Variants in CLVS1 observed in about 807,000 individuals in gnomAD.
CLVS1 encodes clavesin 1, also known as clavesin-1.
A neutral mutation model predicts 33.1 loss-of-function variants in CLVS1; 10 were observed. That is an observed-to-expected ratio of 0.30 (90% confidence interval 0.19 to 0.51). CLVS1 has a LOEUF of 0.51. Ranked by LOEUF, CLVS1 falls within the 20% of genes least tolerant of loss-of-function variation. CLVS1 has a pLI of 0.97. For missense variants in CLVS1, 343 were observed against 433.4 expected (o/e 0.79, Z 1.85); for synonymous variants, 163 against 166.1 (o/e 0.98, Z 0.14).
intron 2 of CLVS1, among the ~76,000 whole-genome samples, chr8:61,189,921 A>C (rs918391121): frequency 6.6e-6 from 1 of 152,162 alleles, no homozygotes; most frequent in African/African-American, 2.4e-5. Flanking sequence ...CACAATAATA[A>C]TGGGAGACTT....
chr8:61,211,769 G>T (rs1024370478), intron 2 of CLVS1, among the ~76,000 whole-genome samples: 2 of 152,158 alleles, frequency 1.3e-5, no homozygotes, highest in Non-Finnish European at 2.9e-5. Flanking sequence ...AGCCAGGGAG[G>T]TTATCCTAGA....
At chr8:60,997,956 T>TTG in the CLVS1 span, among the ~76,000 whole-genome samples, 4 of 149,408 alleles carry the variant, frequency 2.7e-5, no homozygotes, top group Admixed American at 6.6e-5. Context: ...GTGTGTGTGT[T>TTG]TGTGTGTATG....
intron 3 of CLVS1, among the ~76,000 whole-genome samples, chr8:61,451,444 A>G (rs1816947866): frequency 6.6e-6 from 1 of 152,202 alleles, no homozygotes; most frequent in South Asian, 2.1e-4. Flanking sequence ...AAATGATGTT[A>G]TATTTTATTG....
chr8:61,359,457 G>A (rs1424640582), intron 2 of CLVS1, among the ~76,000 whole-genome samples: 1 of 152,088 alleles, frequency 6.6e-6, no homozygotes, highest in African/African-American at 2.4e-5. Context: ...ACAGGTTCAA[G>A]TGATTCTCCT....
At chr8:61,163,630 C>T (rs1467782882) in intron 2 of CLVS1, among the ~76,000 whole-genome samples, 1 of 152,154 alleles carries the variant, frequency 6.6e-6, no homozygotes, top group African/African-American at 2.4e-5. Flanking sequence ...TCACAGATTC[C>T]AAGGAATGGA....
At position 61,388,551 on chromosome 8, in the gene CLVS1, T is replaced by C. The variant is rs112889014; in HGVS notation, c.630+11772T>C. On this transcript the variant is annotated intron_variant, in intron 3 of 5. Transcript: ENST00000325897. ...CAGTTGTATCTCCTAAAATATAGGA[T>C]ATGCAGCATCAAATAAGTGTCATAA... is the stretch of plus-strand genomic sequence containing the variant. Among the ~76,000 whole-genome samples the C allele has an allele frequency of 4.9e-3, 748 of 152,108 alleles. 4 individuals carry two copies. The highest frequency in any genetic ancestry group is 0.016 in the African/African-American group (681 of 41,514).
the CLVS1 span, among the ~76,000 whole-genome samples, chr8:60,975,148 A>G: frequency 6.6e-6 from 1 of 152,172 alleles, no homozygotes; most frequent in African/African-American, 2.4e-5. Context: ...GAGGGAAGAC[A>G]TCATAGATGA....
At chr8:61,458,272 T>C (rs1817238428) in intron 4 of CLVS1, 35 bp from the exon 5 acceptor site, 1 of 1,498,846 alleles carries the variant, frequency 6.7e-7, no homozygotes, top group Non-Finnish European at 9.2e-7. Context: ...TGTTTTGGAT[T>C]TTGTATTGCT....
intron 2 of CLVS1, among the ~76,000 whole-genome samples, chr8:61,357,038 A>G (rs1203239408): frequency 6.6e-6 from 1 of 152,098 alleles, no homozygotes; most frequent in Non-Finnish European, 1.5e-5. Context: ...GATTCTTCCT[A>G]CCTATGAGCA....
intron 2 of CLVS1, among the ~76,000 whole-genome samples, chr8:61,374,755 A>C (rs763646129): frequency 2.0e-5 from 3 of 152,174 alleles, no homozygotes; most frequent in Admixed American, 6.5e-5. Flanking sequence ...ATTTTTTTTA[A>C]TCTAGAGATT....
chr8:61,389,183 C>G (rs958114967), intron 3 of CLVS1, among the ~76,000 whole-genome samples: 1 of 152,162 alleles, frequency 6.6e-6, no homozygotes, highest in Non-Finnish European at 1.5e-5. Flanking sequence ...TCACCACATA[C>G]TAGAAGTCTC....
intron 5 of CLVS1, among the ~76,000 whole-genome samples, chr8:61,480,081 G>T (rs1818126306): frequency 6.6e-6 from 1 of 152,234 alleles, no homozygotes; most frequent in South Asian, 2.1e-4. Flanking sequence ...CAAGCTGTGT[G>T]CTGGGAGAAC....
intron 5 of CLVS1, among the ~76,000 whole-genome samples, chr8:61,484,698 A>C (rs557847757): frequency 6.6e-6 from 1 of 152,216 alleles, no homozygotes; most frequent in Non-Finnish European, 1.5e-5. Flanking sequence ...AAACTATACT[A>C]CAAGGCTACA....
At chr8:61,356,849 A>G (rs908874064) in intron 2 of CLVS1, among the ~76,000 whole-genome samples, 21 of 152,198 alleles carry the variant, frequency 1.4e-4, no homozygotes, top group African/African-American at 4.6e-4. Context: ...AGGTAGCGTG[A>G]TGCCTCCAGC....
upstream of CLVS1, among the ~76,000 whole-genome samples, chr8:61,284,765 C>T (rs919048276): frequency 3.9e-5 from 6 of 152,166 alleles, no homozygotes; most frequent in African/African-American, 1.2e-4. Flanking sequence ...GAGGCAAAGT[C>T]TGTTAAAACT....
intron 2 of CLVS1, 79 bp from the exon 3 acceptor site, chr8:61,376,526 G>A (rs952936380): frequency 2.3e-5 from 32 of 1,370,616 alleles, no homozygotes; most frequent in East Asian, 4.6e-5. Context: ...AGTGGCATGC[G>A]GAGGCCAGCA....
At chr8:61,490,963 AAAAAAAAAAG>A (rs1429149590) in intron 5 of CLVS1, among the ~76,000 whole-genome samples, 5 of 149,548 alleles carry the variant, frequency 3.3e-5, no homozygotes, top group African/African-American at 1.2e-4. Flanking sequence ...TCCATCTCCA[AAAAAAAAAAG>A]AAAAAAAAAA....
the CLVS1 span, among the ~76,000 whole-genome samples, chr8:61,014,094 T>A: frequency 6.6e-6 from 1 of 151,932 alleles, no homozygotes; most frequent in African/African-American, 2.4e-5. Flanking sequence ...TGTTTTTTTT[T>A]TTTTTTTTTT....
chr8:60,996,076 T>C, the CLVS1 span, among the ~76,000 whole-genome samples: 1 of 152,118 alleles, frequency 6.6e-6, no homozygotes, highest in Non-Finnish European at 1.5e-5. Context: ...GACGAGTTAG[T>C]GGGTGCAGCG....
Sources: allele counts gnomAD v4.1 joint callset (sites outside exome capture counted in the v4.1 genomes callset), GRCh38; gene constraint gnomAD v4.1.1; transcripts MANE v1.5; gene names NCBI Gene and HGNC (gene_info 2026-07-23, HGNC 2026-07-21).